Variants in PTTG1 observed in about 807,000 individuals in gnomAD.
PTTG1 encodes PTTG1 regulator of sister chromatid separation, securin, also known as securin.
PTTG1 carries 8 observed loss-of-function variants against 20.0 expected under a neutral mutation model. The ratio of observed to expected loss-of-function variants is 0.40; its 90% confidence interval spans 0.23 to 0.72. The LOEUF is 0.72. Among genes scored for constraint, PTTG1 ranks in the 30% least tolerant of loss-of-function variants. PTTG1 has a pLI of 0.38. For synonymous variants in PTTG1, 79 were observed against 87.2 expected (o/e 0.91, Z 0.52); for missense variants, 197 against 236.0 (o/e 0.83, Z 1.08).
intron 4 of PTTG1, among the ~76,000 whole-genome samples, chr5:160,427,041 C>T (rs899701406): frequency 6.7e-6 from 1 of 149,212 alleles, no homozygotes; most frequent in Non-Finnish European, 1.5e-5. Context: ...GACTCTGTCT[C>T]AAAAAAAAAA....
Position 160,422,769 on chromosome 5 carries a change from A to C in PTTG1, c.152A>C (p.Asp51Ala). The C allele has an allele frequency of 6.2e-7, 1 of 1,614,180 alleles. No individual in the cohort carries two copies. Among genetic ancestry groups the C allele is most frequent in the South Asian group, 1.1e-5 (1 of 91,080 alleles). ...VSTPRFGKTF[D>A]APPALPKATR... is the part of the protein sequence containing the mutation. ...ACACCACGTTTTGGCAAAACGTTCGATGCCCCACCAGCCTTACCTAAAGCT... is the reference window on the plus strand; with the variant it reads ...ACACCACGTTTTGGCAAAACGTTCGCTGCCCCACCAGCCTTACCTAAAGCT... Residue 51 changes from aspartate (D) to alanine (A), a missense_variant, in exon 3 of 6, where the codon GAT becomes GCT. Physicochemically the swap from Asp to Ala is moderately radical, Grantham distance 126. Coordinates refer to ENST00000352433, the MANE Select transcript of PTTG1 (RefSeq NM_004219.4).
At chr5:160,422,657 T>A (rs767356899) in intron 2 of PTTG1, 52 bp from the exon 3 acceptor site, 6 of 1,593,338 alleles carry the variant, frequency 3.8e-6, no homozygotes, top group Non-Finnish European at 5.2e-6. Flanking sequence ...GTATTTAAGT[T>A]GTACAGGTAT....
At chr5:160,424,122 T>C (rs1390948843) in intron 3 of PTTG1, 115 bp from the exon 4 acceptor site, 1 of 700,644 alleles carries the variant, frequency 1.4e-6, no homozygotes, top group Non-Finnish European at 2.4e-6. Flanking sequence ...GGTGCAATTA[T>C]GAAAACTAAG....
intron 3 of PTTG1, among the ~76,000 whole-genome samples, chr5:160,423,932 C>T (rs1288996326): frequency 6.6e-6 from 1 of 152,186 alleles, no homozygotes; most frequent in Non-Finnish European, 1.5e-5. Context: ...TAGCTACTAT[C>T]CTGGGTGATT....
At position 160,428,638 on chromosome 5, in the gene PTTG1, T is replaced by C; in HGVS notation, c.566T>C (p.Leu189Pro). The change falls in exon 6 of 6, where the codon CTG becomes CCG. Residue 189 changes from leucine (L) to proline (P), a missense_variant. Leu to Pro is a moderately conservative substitution (Grantham distance 98). Coordinates refer to ENST00000352433, the MANE Select transcript of PTTG1 (RefSeq NM_004219.4). ...TCTCCTTCAAGCATTCTGTCGACCC[T>C]GGATGTTGAATTGCCACCTGTTTGC... ...LQSPSSILST[L>P]DVELPPVCCD... is the part of the protein sequence containing the mutation. The C allele has an allele frequency of 6.2e-7, 1 of 1,614,124 alleles. No homozygotes were observed. The highest frequency in any genetic ancestry group is 1.1e-5 in the South Asian group (1 of 91,078).
chr5:160,428,722 A>G lies in PTTG1; in HGVS notation c.*41A>G. 1.3e-6 allele frequency: 2 copies of G among 1,547,158 alleles called. No individual in the cohort carries two copies. Among genetic ancestry groups the G allele is most frequent in the Non-Finnish European group, 1.8e-6 (2 of 1,120,374 alleles). On this transcript the variant is annotated 3_prime_UTR_variant, in exon 6 of 6. Coordinates refer to ENST00000352433, the MANE Select transcript of PTTG1 (RefSeq NM_004219.4). Reference sequence around the variant, plus strand: ...AGAGTTTGTGTGTATTTGTATTAATAAAGCATTCTTTAACAGATTCTTCCT... The same window carrying G: ...AGAGTTTGTGTGTATTTGTATTAATGAAGCATTCTTTAACAGATTCTTCCT...
chr5:160,424,711 GA>G (rs1765776875), intron 4 of PTTG1: 1 of 159,536 alleles, frequency 6.3e-6, no homozygotes, highest in South Asian at 2.0e-4. Flanking sequence ...TCTTTGGTTT[GA>G]AAAATCTACA....
At position 160,422,905 on chromosome 5, in the gene PTTG1, CT is replaced by C; in HGVS notation, c.276+13del. The C allele has an allele frequency of 6.2e-7, 1 of 1,613,316 alleles. No individual in the cohort carries two copies. Among genetic ancestry groups the C allele is most frequent in the Non-Finnish European group, 8.5e-7 (1 of 1,179,398 alleles). ...TTTCTGCCAAAAAGGTAAGTGTTGG[CT>C]ATAAAGACACTGTTTAAACACTTAA... On this transcript the variant is annotated intron_variant, in intron 3 of 5. Transcript: ENST00000352433.
intron 4 of PTTG1, among the ~76,000 whole-genome samples, chr5:160,425,176 A>G (rs1157698448): frequency 6.6e-6 from 1 of 152,236 alleles, no homozygotes; most frequent in East Asian, 1.9e-4. Flanking sequence ...ATTTGCATTC[A>G]GATTGTTCTG....
At position 160,427,852 on chromosome 5, in the gene PTTG1, C is replaced by T. The variant is rs777537997; in HGVS notation, c.508C>T (p.Pro170Ser). The T allele has an allele frequency of 1.2e-6, 2 of 1,614,174 alleles. No homozygotes were observed. The highest frequency in any genetic ancestry group is 2.2e-5 in the South Asian group (2 of 91,080). The change falls in exon 5 of 6, where the codon CCC becomes TCC. Residue 170 changes from proline to serine, a missense_variant. Coordinates refer to ENST00000352433, the MANE Select transcript of PTTG1 (RefSeq NM_004219.4). ...QLGPPSPVKM[P>S]SPPWESNLLQ... ...GGGCCCCCCTTCACCTGTGAAGATGCCCTCTCCACCATGGGAATCCAGTAA... is the reference window on the plus strand; with the variant it reads ...GGGCCCCCCTTCACCTGTGAAGATGTCCTCTCCACCATGGGAATCCAGTAA...
chr5:160,424,225 T>C lies in PTTG1; in HGVS notation c.277-12T>C. 1.3e-6 allele frequency: 2 copies of C among 1,585,648 alleles called. No individual in the cohort carries two copies. The highest frequency in any genetic ancestry group is 2.2e-5 in the East Asian group (1 of 44,612). On this transcript the variant is annotated splice_polypyrimidine_tract_variant and intron_variant, in intron 3 of 5. Transcript: ENST00000352433. ...CACTGTCACTAACCCATATTTTCTT[T>C]GGCTGTTCTAGATGACTGAGAAGAC...
intron 4 of PTTG1, among the ~76,000 whole-genome samples, chr5:160,427,440 A>AT (rs896237833): frequency 1.3e-4 from 19 of 148,944 alleles, no homozygotes; most frequent in African/African-American, 4.6e-4. Flanking sequence ...TGAAACTGGC[A>AT]TTTTTAAACT....
chr5:160,426,612 G>A (rs566877305), intron 4 of PTTG1, among the ~76,000 whole-genome samples: 1 of 152,276 alleles, frequency 6.6e-6, no homozygotes, highest in South Asian at 2.1e-4. Flanking sequence ...CAGAAATACT[G>A]GTTCACTGAG....
chr5:160,427,649 C>A (rs545835433), intron 4 of PTTG1, 66 bp from the exon 5 acceptor site: 1 of 1,544,772 alleles, frequency 6.5e-7, no homozygotes, highest in Non-Finnish European at 8.8e-7. Context: ...GGTCTCAGAC[C>A]ACAAGGGATC....
chr5:160,424,463 G>A (rs2113210246), intron 4 of PTTG1, 133 bp downstream of exon 4: 1 of 660,174 alleles, frequency 1.5e-6, no homozygotes, highest in Non-Finnish European at 2.6e-6. Context: ...GGTTGCTTTG[G>A]ACAAGTGTAC....
intron 3 of PTTG1, among the ~76,000 whole-genome samples, chr5:160,423,690 G>A (rs1056997056): frequency 3.5e-5 from 5 of 143,230 alleles, no homozygotes; most frequent in Middle Eastern, 3.3e-3. Flanking sequence ...GGAACATGCC[G>A]GCTTCCATTG....
Position 160,427,804 on chromosome 5 carries a change from G to A in PTTG1, c.460G>A (p.Glu154Lys), listed in dbSNP as rs1450064706. ...VPLMILDEER[E>K]LEKLFQLGPP... ...TCTCATGATCCTTGACGAGGAGAGA[G>A]AGCTTGAAAAGCTGTTTCAGCTGGG... Residue 154 changes from glutamate (E) to lysine (K), a missense_variant, in exon 5 of 6, where the codon GAG becomes AAG. Transcript: ENST00000352433. The A allele has an allele frequency of 3.1e-6, 5 of 1,614,144 alleles. No individual in the cohort carries two copies. In the South Asian group the frequency reaches 3.3e-5, roughly 11 times the overall value.
intron 4 of PTTG1, chr5:160,424,642 T>G (rs1765776212): frequency 4.9e-6 from 1 of 203,132 alleles, no homozygotes; most frequent in African/African-American, 2.3e-5. Flanking sequence ...CACAAGGCTT[T>G]TAGAAGTGAG....
At chr5:160,422,086 C>A in intron 1 of PTTG1, 195 bp downstream of exon 1, 1 of 480,042 alleles carries the variant, frequency 2.1e-6, no homozygotes, top group East Asian at 3.8e-5. Context: ...TGAGTGCCAG[C>A]CCCAAACCGC....
Sources: allele counts gnomAD v4.1 joint callset (sites outside exome capture counted in the v4.1 genomes callset), GRCh38; gene constraint gnomAD v4.1.1; transcripts MANE v1.5; gene names NCBI Gene and HGNC (gene_info 2026-07-23, HGNC 2026-07-21).